Variants in STXBP5 observed in about 807,000 individuals in gnomAD.
The protein encoded by STXBP5 is syntaxin-binding protein 5.
STXBP5 carries 50 observed loss-of-function variants against 152.4 expected under a neutral mutation model. The observed-to-expected ratio is 0.33, with a 90% CI of 0.26 to 0.42. The LOEUF is 0.42. Among genes scored for constraint, STXBP5 ranks in the 10% least tolerant of loss-of-function variants. STXBP5 has a pLI of 1.00. For synonymous variants in STXBP5, 492 were observed against 494.7 expected (o/e 0.99, Z 0.07); for missense variants, 1,167 against 1,388.6 (o/e 0.84, Z 2.54).
chr6:147,270,063 G>A (rs1285622715), intron 7 of STXBP5, among the ~76,000 whole-genome samples: 2 of 152,122 alleles, frequency 1.3e-5, no homozygotes, highest in Admixed American at 6.5e-5. Context: ...ACAATTAGAG[G>A]AATTTTAAAA....
intron 2 of STXBP5, among the ~76,000 whole-genome samples, chr6:147,213,477 T>TGCGCGCGCGCGCGCGCGCGCGCGCGC (rs1554282764): frequency 1.5e-5 from 2 of 131,278 alleles, no homozygotes; most frequent in East Asian, 2.1e-4. Flanking sequence ...TGTGTGTGTG[T>TGCGCGCGCGCGCGCGCGCGCGCGCGC]GCGCGCGCAT....
At chr6:147,227,540 G>A (rs1777781944) in intron 2 of STXBP5, among the ~76,000 whole-genome samples, 1 of 151,834 alleles carries the variant, frequency 6.6e-6, no homozygotes, top group African/African-American at 2.4e-5. Context: ...CTGTAGTCTT[G>A]TCCCTATTTT....
intron 26 of STXBP5, 21 bp from the exon 27 acceptor site, chr6:147,382,757 T>G (rs1363993960): frequency 3.7e-6 from 6 of 1,609,048 alleles, no homozygotes; most frequent in Non-Finnish European, 5.1e-6. Flanking sequence ...AGTTACTCTT[T>G]GATTTATCAA....
chr6:147,243,930 G>A (rs1300608746), intron 4 of STXBP5, among the ~76,000 whole-genome samples: 1 of 151,696 alleles, frequency 6.6e-6, no homozygotes, highest in Non-Finnish European at 1.5e-5. Flanking sequence ...ATCTATTTCT[G>A]GTTGTCTATT....
chr6:147,384,670 T>C (rs1786254671), intron 27 of STXBP5, 44 bp from the exon 28 acceptor site: 1 of 1,567,092 alleles, frequency 6.4e-7, no homozygotes, highest in South Asian at 1.1e-5. Context: ...ATGTTATTGT[T>C]CCGGCATTTT....
At chr6:147,290,226 T>A (rs961287667) in intron 8 of STXBP5, among the ~76,000 whole-genome samples, 2 of 151,866 alleles carry the variant, frequency 1.3e-5, no homozygotes, top group African/African-American at 2.4e-5. Flanking sequence ...AGAAAAAAAA[T>A]TTGCTTGCCT....
intron 4 of STXBP5, among the ~76,000 whole-genome samples, chr6:147,259,380 T>C (rs912308210): frequency 6.6e-6 from 1 of 152,166 alleles, no homozygotes; most frequent in Non-Finnish European, 1.5e-5. Context: ...ATTTTGTTTA[T>C]ACAGTAGACA....
intron 18 of STXBP5, among the ~76,000 whole-genome samples, chr6:147,327,537 G>C (rs1237445750): frequency 6.6e-6 from 1 of 152,056 alleles, no homozygotes; most frequent in Non-Finnish European, 1.5e-5. Context: ...GACCTCTTGG[G>C]CTCAGGTGAT....
At chr6:147,314,914 G>A (rs1036186082) in intron 14 of STXBP5, among the ~76,000 whole-genome samples, 12 of 152,102 alleles carry the variant, frequency 7.9e-5, no homozygotes, top group Non-Finnish European at 1.5e-4. Context: ...AAGTGGGAAT[G>A]TGTTCCAAAT....
chr6:147,278,279 ATTTG>A (rs1412271033), intron 8 of STXBP5, 75 bp downstream of exon 8: 23 of 1,365,922 alleles, frequency 1.7e-5, no homozygotes, highest in Non-Finnish European at 2.2e-5. Flanking sequence ...TTGCATTCTG[ATTTG>A]TTTGTTTGAT....
At chr6:147,285,535 A>C (rs1435101553) in intron 8 of STXBP5, among the ~76,000 whole-genome samples, 1 of 151,894 alleles carries the variant, frequency 6.6e-6, no homozygotes, top group African/African-American at 2.4e-5. Context: ...CACTCTAAAC[A>C]CTGCAACATT....
chr6:147,334,036 A>T, intron 18 of STXBP5, 121 bp from the exon 19 acceptor site: 1 of 883,562 alleles, frequency 1.1e-6, no homozygotes, highest in Non-Finnish European at 1.7e-6. Flanking sequence ...TCAGTACCAC[A>T]GTCTGTTAAT....
intron 22 of STXBP5, among the ~76,000 whole-genome samples, chr6:147,353,897 T>G (rs1042058212): frequency 1.3e-5 from 2 of 152,182 alleles, no homozygotes; most frequent in African/African-American, 4.8e-5. Context: ...GCAGGATGAA[T>G]ATATTCACAC....
chr6:147,320,624 C>T (rs1488348881), intron 16 of STXBP5, among the ~76,000 whole-genome samples: 2 of 149,630 alleles, frequency 1.3e-5, no homozygotes, highest in African/African-American at 2.5e-5. Flanking sequence ...TTTTGGCAGC[C>T]ATGGGGGGTG....
At chr6:147,208,132 C>T (rs977248847) in intron 2 of STXBP5, among the ~76,000 whole-genome samples, 5 of 151,970 alleles carry the variant, frequency 3.3e-5, no homozygotes, top group Non-Finnish European at 4.4e-5. Flanking sequence ...TGCAATTATA[C>T]TCTAAAGTTT....
At chr6:147,219,437 A>G (rs983900975) in intron 2 of STXBP5, among the ~76,000 whole-genome samples, 5 of 152,170 alleles carry the variant, frequency 3.3e-5, no homozygotes, top group African/African-American at 1.2e-4. Flanking sequence ...TCATAAAATG[A>G]GTTAGGATAT....
chr6:147,380,079 C>T (rs1304606976), intron 26 of STXBP5, among the ~76,000 whole-genome samples: 1 of 151,792 alleles, frequency 6.6e-6, no homozygotes, highest in South Asian at 2.1e-4. Context: ...ACATTTAACA[C>T]AATTCATATC....
At chr6:147,306,938 A>G (rs1163118814) in intron 9 of STXBP5, among the ~76,000 whole-genome samples, 2 of 152,216 alleles carry the variant, frequency 1.3e-5, no homozygotes, top group African/African-American at 4.8e-5. Flanking sequence ...TGCGTAGACT[A>G]GACATAGGAG....
intron 22 of STXBP5, among the ~76,000 whole-genome samples, chr6:147,353,595 C>T (rs899705412): frequency 2.0e-5 from 3 of 152,112 alleles, no homozygotes; most frequent in African/African-American, 7.2e-5. Flanking sequence ...AATATATTTT[C>T]TTAGCCCTCT....
Sources: gnomAD v4.1 joint callset for allele counts (sites outside exome capture counted in the v4.1 genomes callset) on GRCh38, gnomAD v4.1.1 for gene constraint, MANE v1.5 for transcripts, NCBI Gene and HGNC (gene_info 2026-07-23, HGNC 2026-07-21) for gene names.